PARD3B: variants seen among roughly 807,000 people sequenced by gnomAD.
PARD3B encodes the protein par-3 family cell polarity regulator beta, also known as partitioning defective 3 homolog B.
In PARD3B, 103 loss-of-function variants were observed where a neutral mutation model predicts 130.2. The ratio of observed to expected loss-of-function variants is 0.79; its 90% CI spans 0.67 to 0.93. PARD3B has a LOEUF of 0.93. Ranked by LOEUF, PARD3B falls within the 40% of genes least tolerant of loss-of-function variation. PARD3B has a pLI of 0.00. For missense variants in PARD3B, 1,609 were observed against 1,499.2 expected (o/e 1.07, Z -1.21); for synonymous variants, 583 against 553.2 (o/e 1.05, Z -0.76).
intron 1 of PARD3B, among the ~76,000 whole-genome samples, chr2:204,602,306 C>G (rs1443012790): frequency 3.3e-5 from 5 of 152,002 alleles, no homozygotes; most frequent in Admixed American, 2.6e-4. Flanking sequence ...CTAGGTGTGT[C>G]TCGTCCAAGA....
At chr2:204,859,919 A>G (rs999346064) in intron 2 of PARD3B, among the ~76,000 whole-genome samples, 3 of 152,154 alleles carry the variant, frequency 2.0e-5, no homozygotes, top group Non-Finnish European at 4.4e-5. Flanking sequence ...TTCTACTTTA[A>G]AGTCAAGAAT....
chr2:205,447,928 G>A (rs1448380379), intron 20 of PARD3B, among the ~76,000 whole-genome samples: 1 of 152,164 alleles, frequency 6.6e-6, no homozygotes, highest in Non-Finnish European at 1.5e-5. Context: ...TGAGCTACCT[G>A]GACACAGCAT....
At chr2:205,531,970 T>G (rs1035593167) in intron 21 of PARD3B, among the ~76,000 whole-genome samples, 2 of 152,156 alleles carry the variant, frequency 1.3e-5, no homozygotes, top group Admixed American at 1.3e-4. Context: ...GAATGTTTTC[T>G]TCACCTCCAG....
intron 15 of PARD3B, among the ~76,000 whole-genome samples, chr2:205,228,750 C>A (rs2125888757): frequency 6.6e-6 from 1 of 152,182 alleles, no homozygotes; most frequent in East Asian, 1.9e-4. Flanking sequence ...TAGATTTGCT[C>A]TTTTGAGGCT....
intron 2 of PARD3B, among the ~76,000 whole-genome samples, chr2:204,746,373 G>C (rs554265327): frequency 6.6e-6 from 1 of 151,846 alleles, no homozygotes; most frequent in Non-Finnish European, 1.5e-5. Context: ...TCTTAATCCA[G>C]TCTATCACTG....
At chr2:204,632,193 T>A (rs1388858527) in intron 1 of PARD3B, among the ~76,000 whole-genome samples, 18 of 152,134 alleles carry the variant, frequency 1.2e-4, no homozygotes, top group Non-Finnish European at 1.5e-5. Flanking sequence ...CACTCTCTCT[T>A]GCTCCTGCTC....
At chr2:204,948,912 A>C (rs1198280515) in intron 2 of PARD3B, among the ~76,000 whole-genome samples, 1 of 152,190 alleles carries the variant, frequency 6.6e-6, no homozygotes, top group African/African-American at 2.4e-5. Context: ...TATACAAACA[A>C]AATAAATTAT....
intron 21 of PARD3B, among the ~76,000 whole-genome samples, chr2:205,544,656 C>A (rs900430538): frequency 1.3e-5 from 2 of 152,062 alleles, no homozygotes; most frequent in African/African-American, 4.8e-5. Flanking sequence ...AGTGTACATG[C>A]AGCTAGTACT....
At chr2:205,156,127 T>C (rs1437486962) in intron 10 of PARD3B, among the ~76,000 whole-genome samples, 3 of 151,818 alleles carry the variant, frequency 2.0e-5, no homozygotes, top group East Asian at 1.9e-4. Context: ...ATGGATGAAA[T>C]TGGAAATCAT....
At chr2:205,050,785 A>G (rs1699136227) in intron 4 of PARD3B, among the ~76,000 whole-genome samples, 1 of 151,888 alleles carries the variant, frequency 6.6e-6, no homozygotes, top group Non-Finnish European at 1.5e-5. Context: ...TTTATTGGAC[A>G]GCGCAGCTCT....
chr2:204,995,572 T>C (rs1412623253), intron 3 of PARD3B, among the ~76,000 whole-genome samples: 1 of 111,390 alleles, frequency 9.0e-6, no homozygotes, highest in African/African-American at 3.6e-5. Flanking sequence ...GAGTTGCTCT[T>C]CTCGAGGAGT....
chr2:205,339,524 A>G (rs2043439105), intron 18 of PARD3B, among the ~76,000 whole-genome samples: 1 of 152,218 alleles, frequency 6.6e-6, no homozygotes, highest in Non-Finnish European at 1.5e-5. Flanking sequence ...TTAGAATTTG[A>G]CAATTGGTTT....
At position 205,366,091 on chromosome 2, in the gene PARD3B, T is replaced by G. The variant is rs1269584957; in HGVS notation, c.2631-34922T>G. 6.6e-6 allele frequency among the ~76,000 whole-genome samples: 1 copy of G among 152,082 alleles called. No individual in the cohort carries two copies. The highest frequency in any genetic ancestry group is 1.5e-5 in the Non-Finnish European group (1 of 68,016). On this transcript the variant is annotated intron_variant, in intron 18 of 22. Coordinates refer to ENST00000406610, the MANE Select transcript of PARD3B (RefSeq NM_001302769.2). The surrounding 1 kb of genome is among the most constrained non-coding windows in gnomAD (Gnocchi z 5.0). ...CCCCACTCATCCATCCATCCGTTTATCCATCCATTCATCCATCCATCCATT... is the reference window on the plus strand; with the variant it reads ...CCCCACTCATCCATCCATCCGTTTAGCCATCCATTCATCCATCCATCCATT...
At chr2:204,766,172 G>C (rs1021627051) in intron 2 of PARD3B, among the ~76,000 whole-genome samples, 2 of 152,060 alleles carry the variant, frequency 1.3e-5, no homozygotes, top group African/African-American at 4.8e-5. Context: ...TGAAACAGAG[G>C]TGAAAGTTCT....
intron 1 of PARD3B, among the ~76,000 whole-genome samples, chr2:204,630,391 G>A (rs1310798301): frequency 6.6e-6 from 1 of 151,930 alleles, no homozygotes; most frequent in Non-Finnish European, 1.5e-5. Context: ...GATTTGGGAT[G>A]GTACAGTTTC....
chr2:204,819,642 T>C (rs1185474120), intron 2 of PARD3B, among the ~76,000 whole-genome samples: 1 of 152,136 alleles, frequency 6.6e-6, no homozygotes, highest in East Asian at 1.9e-4. Context: ...AAAGCTAAGA[T>C]AGGCCCAAAA....
At chr2:204,587,998 C>T (rs915452331) in intron 1 of PARD3B, among the ~76,000 whole-genome samples, 3 of 152,140 alleles carry the variant, frequency 2.0e-5, no homozygotes, top group Non-Finnish European at 2.9e-5. Context: ...ATAAATGACC[C>T]AGTCTTGGGT....
At chr2:205,107,978 CCA>C (rs1703345579) in intron 5 of PARD3B, among the ~76,000 whole-genome samples, 1 of 152,184 alleles carries the variant, frequency 6.6e-6, no homozygotes, top group African/African-American at 2.4e-5. Flanking sequence ...ACTCCTGCTT[CCA>C]CAGATAAGCC....
intron 3 of PARD3B, among the ~76,000 whole-genome samples, chr2:205,000,978 G>GT (rs911480173): frequency 2.0e-5 from 3 of 151,952 alleles, no homozygotes; most frequent in African/African-American, 2.4e-5. Context: ...TTTACGAGGT[G>GT]TTTTTTGTTT....
Sources: allele counts gnomAD v4.1 joint callset (sites outside exome capture counted in the v4.1 genomes callset), GRCh38; gene constraint gnomAD v4.1.1; non-coding constraint Gnocchi (gnomAD v3.1); transcripts MANE v1.5; gene names NCBI Gene and HGNC (gene_info 2026-07-23, HGNC 2026-07-21).